The following TAFA4 variants were observed in gnomAD, a reference collection of about 807,000 sequenced individuals.
TAFA4 encodes chemokine-like protein TAFA-4.
In TAFA4, 20 loss-of-function variants were observed where a neutral mutation model predicts 21.1. The ratio of observed to expected loss-of-function variants is 0.95; its 90% CI spans 0.67 to 1.38. TAFA4 has a LOEUF of 1.38. Ranked by LOEUF, TAFA4 falls within the 40% of genes most tolerant of loss-of-function variation. The probability of loss-of-function intolerance (pLI) is 0.00; values close to 1 mark genes in which losing one functional copy is unlikely to be tolerated. For missense variants in TAFA4, 211 were observed against 180.9 expected, an observed-to-expected ratio of 1.17 and a Z score of -0.95; for synonymous variants, 71 against 67.4, an observed-to-expected ratio of 1.05 and a Z score of -0.26.
At chr3:68,771,238 A>G (rs1702951228) in intron 3 of TAFA4, among the ~76,000 whole-genome samples, 1 of 152,258 alleles carries the variant, frequency 6.6e-6, no homozygotes, top group African/African-American at 2.4e-5. Flanking sequence ...CCCGGGATAC[A>G]GAAAGCCCTC....
intron 3 of TAFA4, among the ~76,000 whole-genome samples, chr3:68,863,065 C>A (rs1349704842): frequency 3.5e-5 from 5 of 144,512 alleles, no homozygotes; most frequent in Admixed American, 6.9e-5. Context: ...AAAACCCCAT[C>A]TCTACAAAAA....
chr3:68,906,362 G>A (rs1476645026), intron 1 of TAFA4, among the ~76,000 whole-genome samples: 1 of 152,198 alleles, frequency 6.6e-6, no homozygotes, highest in Admixed American at 6.5e-5. Flanking sequence ...TTTTACTCTT[G>A]AGGGACTCAG....
intron 3 of TAFA4, among the ~76,000 whole-genome samples, chr3:68,878,569 A>G (rs74642247): frequency 2.0e-3 from 298 of 152,290 alleles, no homozygotes; most frequent in African/African-American, 6.4e-3. Flanking sequence ...AAGGAACAAA[A>G]GGACAAATTG....
intron 3 of TAFA4, among the ~76,000 whole-genome samples, chr3:68,783,643 C>T (rs1022989123): frequency 4.9e-5 from 6 of 121,646 alleles, no homozygotes; most frequent in Non-Finnish European, 8.7e-5. Context: ...GCAAGATAAA[C>T]TTCAAAGAAA....
intron 1 of TAFA4, among the ~76,000 whole-genome samples, chr3:68,908,685 T>C (rs1262052244): frequency 6.6e-6 from 1 of 152,212 alleles, no homozygotes; most frequent in African/African-American, 2.4e-5. Flanking sequence ...GCACATAGAA[T>C]GTCTTGATGG....
intron 3 of TAFA4, among the ~76,000 whole-genome samples, chr3:68,839,401 GA>G (rs201493779): frequency 0.015 from 2,344 of 152,204 alleles, 60 homozygotes; most frequent in African/African-American, 0.053. Context: ...GAGCACATTA[GA>G]AATAATGTCC....
chr3:68,839,616 A>C (rs1704609809), intron 3 of TAFA4, among the ~76,000 whole-genome samples: 1 of 152,176 alleles, frequency 6.6e-6, no homozygotes, highest in Non-Finnish European at 1.5e-5. Flanking sequence ...GAGAAACGTA[A>C]ACCTGTCTCT....
intron 3 of TAFA4, among the ~76,000 whole-genome samples, chr3:68,858,386 C>T (rs1238154416): frequency 6.6e-6 from 1 of 151,112 alleles, no homozygotes; most frequent in African/African-American, 2.5e-5. Flanking sequence ...ACCGTTAACG[C>T]AGTGTACCTC....
At chr3:68,863,237 C>T (rs757275832) in intron 3 of TAFA4, among the ~76,000 whole-genome samples, 1 of 151,644 alleles carries the variant, frequency 6.6e-6, no homozygotes, top group Non-Finnish European at 1.5e-5. Flanking sequence ...CAGAGTGAGA[C>T]CCTGTCTCAA....
chr3:68,766,867 T>C (rs1702863767), intron 3 of TAFA4, among the ~76,000 whole-genome samples: 1 of 152,066 alleles, frequency 6.6e-6, no homozygotes, highest in Non-Finnish European at 1.5e-5. Flanking sequence ...GGGAAACAAA[T>C]ATTAACATGT....
chr3:68,894,886 C>T (rs1355680750), intron 1 of TAFA4, among the ~76,000 whole-genome samples: 1 of 152,156 alleles, frequency 6.6e-6, no homozygotes, highest in Non-Finnish European at 1.5e-5. Context: ...CAGAGTTTCA[C>T]TCTTGTTGCC....
chr3:68,784,338 C>T (rs542781732), intron 3 of TAFA4, among the ~76,000 whole-genome samples: 1 of 152,290 alleles, frequency 6.6e-6, no homozygotes, highest in East Asian at 1.9e-4. Context: ...CAGACCCTCA[C>T]GGTGAGTGTT....
chr3:68,873,337 T>TACACACACACACACACACACACACAC lies in TAFA4; in HGVS notation c.130+7367_130+7392dup, dbSNP rs34998311. On this transcript the variant is annotated intron_variant, in intron 3 of 5. Transcript: ENST00000295569. Reference sequence around the variant, plus strand: ...CACAACAGACAGACACACGCAGACATACACACACACACACACACACACACA... The same window carrying TACACACACACACACACACACACACAC: ...CACAACAGACAGACACACGCAGACATACACACACACACACACACACACACACACACACACACACACACACACACACA... Among the ~76,000 whole-genome samples, 175 of 133,494 alleles carry TACACACACACACACACACACACACAC rather than the reference T, an allele frequency of 1.3e-3. 4 individuals carry two copies. The highest frequency in any genetic ancestry group is 5.3e-3 in the Admixed American group (66 of 12,564). 87.6% of individuals were successfully genotyped at this position (133,494 alleles called of 152,430 possible).
Position 68,880,763 on chromosome 3 carries a change from A to T in TAFA4, c.97T>A (p.Ser33Thr), listed in dbSNP as rs752269129. 6.2e-7 allele frequency: 1 copy of T among 1,613,970 alleles called. No individual in the cohort carries two copies. The highest frequency in any genetic ancestry group is 1.1e-5 in the South Asian group (1 of 91,080). The stretch of plus-strand genomic sequence containing the variant: ...CCCCGGAGGTGCTGGCTTGAGGCGG[A>T]CATCAGCTTACAGCACACCATTAAC... ...YVLMVCCKLMSASSQHLRGHA... is the reference protein window; with the variant it reads ...YVLMVCCKLMTASSQHLRGHA... Residue 33 changes from serine to threonine, a missense_variant, in exon 3 of 6, where the codon TCC (serine) becomes ACC (threonine). Coordinates refer to ENST00000295569, the MANE Select transcript of TAFA4 (RefSeq NM_182522.5).
intron 3 of TAFA4, among the ~76,000 whole-genome samples, chr3:68,791,540 T>C (rs556226311): frequency 2.0e-3 from 300 of 152,340 alleles, no homozygotes; most frequent in African/African-American, 6.9e-3. Context: ...CACCCAGCTG[T>C]AGCACTTTGT....
intron 1 of TAFA4, among the ~76,000 whole-genome samples, chr3:68,906,154 C>T (rs899982533): frequency 1.3e-5 from 2 of 152,194 alleles, no homozygotes; most frequent in Non-Finnish European, 2.9e-5. Context: ...GTGGAGTAGA[C>T]ATTCTTCAAA....
At chr3:68,734,369 G>T (rs1702202851) in intron 5 of TAFA4, among the ~76,000 whole-genome samples, 1 of 152,000 alleles carries the variant, frequency 6.6e-6, no homozygotes, top group African/African-American at 2.4e-5. Context: ...TTAATAATAT[G>T]GGCAATGGAG....
At chr3:68,826,606 A>T (rs1423322128) in intron 3 of TAFA4, among the ~76,000 whole-genome samples, 1 of 151,834 alleles carries the variant, frequency 6.6e-6, no homozygotes, top group Non-Finnish European at 1.5e-5. Context: ...ACTCAGAAAG[A>T]TATTATGCAA....
intron 3 of TAFA4, among the ~76,000 whole-genome samples, chr3:68,873,922 T>G (rs773432625): frequency 2.0e-5 from 3 of 152,162 alleles, no homozygotes; most frequent in Non-Finnish European, 4.4e-5. Context: ...CTTTCCCAGG[T>G]AGCTGTGCAA....
Sources: allele counts gnomAD v4.1 joint callset (sites outside exome capture counted in the v4.1 genomes callset), GRCh38; gene constraint gnomAD v4.1.1; transcripts MANE v1.5; gene names NCBI Gene and HGNC (gene_info 2026-07-23, HGNC 2026-07-21).